PCCB: variants seen among roughly 807,000 people sequenced by gnomAD.
PCCB encodes propionyl-CoA carboxylase subunit beta, also known as propionyl-CoA carboxylase beta chain, mitochondrial.
In PCCB, 43 loss-of-function variants were observed where a neutral mutation model predicts 60.7. That is an observed-to-expected ratio of 0.71 (90% confidence interval 0.55 to 0.91). The LOEUF (loss-of-function observed/expected upper bound fraction) is 0.91, where lower values mean the gene tolerates loss of function less well. Among genes scored for constraint, PCCB ranks in the 40% least tolerant of loss-of-function variants. The pLI is 0.00. For missense variants in PCCB, 766 were observed against 702.8 expected, an observed-to-expected ratio of 1.09 and a Z score of -1.02; for synonymous variants, 276 against 255.9, an observed-to-expected ratio of 1.08 and a Z score of -0.75.
At chr3:136,298,094 C>T (rs1319809828) in intron 8 of PCCB, 22 bp downstream of exon 8, 3 of 1,613,922 alleles carry the variant, frequency 1.9e-6, no homozygotes, top group East Asian at 2.2e-5. Flanking sequence ...GCCGGTGCAC[C>T]TTCTCTCATT....
intron 5 of PCCB, 36 bp from the exon 6 acceptor site, chr3:136,283,801 C>T (rs764525342): frequency 2.9e-6 from 4 of 1,391,944 alleles, no homozygotes; most frequent in Admixed American, 1.7e-5. Flanking sequence ...TCAAACATCT[C>T]TGTAACCAGA....
intron 5 of PCCB, among the ~76,000 whole-genome samples, chr3:136,280,862 C>T (rs1430181806): frequency 2.6e-5 from 4 of 152,156 alleles, no homozygotes; most frequent in Non-Finnish European, 5.9e-5. Context: ...CTATATCGTC[C>T]AGGCTGGTCT....
intron 10 of PCCB, among the ~76,000 whole-genome samples, chr3:136,317,637 A>G (rs915029875): frequency 1.3e-5 from 2 of 152,178 alleles, no homozygotes; most frequent in Non-Finnish European, 2.9e-5. Flanking sequence ...TTTAGGGGTC[A>G]GTTTTCTGTT....
intron 5 of PCCB, among the ~76,000 whole-genome samples, chr3:136,270,215 C>G (rs1942157424): frequency 6.6e-6 from 1 of 152,138 alleles, no homozygotes; most frequent in African/African-American, 2.4e-5. Flanking sequence ...TGTGATAAAT[C>G]CTACTTGGTC....
chr3:136,277,233 T>C (rs1439307930), intron 5 of PCCB, among the ~76,000 whole-genome samples: 1 of 152,236 alleles, frequency 6.6e-6, no homozygotes, highest in Non-Finnish European at 1.5e-5. Flanking sequence ...ATGCAGGACC[T>C]CCTGGTTAGC....
At chr3:136,326,251 T>C (rs1935304276) in intron 10 of PCCB, 1 of 685,978 alleles carries the variant, frequency 1.5e-6, no homozygotes, top group African/African-American at 1.8e-5. Flanking sequence ...ACTGGTCTCA[T>C]AGAATTAAGT....
intron 6 of PCCB, among the ~76,000 whole-genome samples, chr3:136,292,227 G>A (rs1168707336): frequency 6.8e-6 from 1 of 146,964 alleles, no homozygotes; most frequent in Admixed American, 6.8e-5. Flanking sequence ...CTGAAATTTT[G>A]TGTCTCTAGT....
intron 5 of PCCB, among the ~76,000 whole-genome samples, chr3:136,282,448 T>G (rs1383221788): frequency 6.6e-6 from 1 of 152,194 alleles, no homozygotes; most frequent in Non-Finnish European, 1.5e-5. Context: ...TTCTAGTGTT[T>G]TTTAGCTGTA....
chr3:136,317,194 T>A (rs1007118040), intron 10 of PCCB, 130 bp downstream of exon 10: 1 of 780,204 alleles, frequency 1.3e-6, no homozygotes, highest in Non-Finnish European at 2.1e-6. Context: ...AAAATCTAAA[T>A]GGTTGTTATA....
At chr3:136,258,355 A>G (rs897192492) in intron 3 of PCCB, among the ~76,000 whole-genome samples, 1 of 152,214 alleles carries the variant, frequency 6.6e-6, no homozygotes, top group Non-Finnish European at 1.5e-5. Context: ...TACAGAGCAC[A>G]TGGAGTGAGA....
At chr3:136,315,832 A>G (rs903031283) in intron 9 of PCCB, among the ~76,000 whole-genome samples, 3 of 151,974 alleles carry the variant, frequency 2.0e-5, no homozygotes, top group Admixed American at 2.0e-4. Context: ...GTCTCAAAAA[A>G]AAAATAGTAT....
intron 10 of PCCB, among the ~76,000 whole-genome samples, chr3:136,321,262 ACAC>A: frequency 6.6e-6 from 1 of 152,342 alleles, no homozygotes; most frequent in South Asian, 2.1e-4. Context: ...GAATTCCTGT[ACAC>A]CTTCTGCTCC....
chr3:136,291,418 G>C (rs139243084), intron 6 of PCCB, among the ~76,000 whole-genome samples: 1 of 152,234 alleles, frequency 6.6e-6, no homozygotes, highest in African/African-American at 2.4e-5. Flanking sequence ...CTGATAGCTG[G>C]ACATGATACA....
At position 136,277,803 on chromosome 3, in the gene PCCB, T is replaced by C. The variant is rs537072918; in HGVS notation, c.544-6034T>C. On this transcript the variant is annotated intron_variant, in intron 5 of 14. Transcript: ENST00000251654. The stretch of plus-strand genomic sequence containing the variant: ...GCACTGGGCTAAGTTCCAGGCAGCC[T>C]AGGCTCAGAACTCAAACCTGCCCCA... Among the ~76,000 whole-genome samples the C allele has an allele frequency of 2.0e-5, 3 of 152,250 alleles. No homozygotes were observed. The South Asian group carries it at 6.2e-4, about 32-fold the overall frequency.
intron 3 of PCCB, among the ~76,000 whole-genome samples, chr3:136,259,008 A>G (rs988384013): frequency 1.3e-5 from 2 of 151,918 alleles, no homozygotes; most frequent in Admixed American, 6.6e-5. Context: ...CCTTGTTCTT[A>G]TTCTCACAGC....
rs182384702 is a variant in PCCB at position 136,267,446 on chromosome 3, A to C, written c.543+5381A>C. On this transcript the variant is annotated intron_variant, in intron 5 of 14. Coordinates refer to ENST00000251654, the MANE Select transcript of PCCB (RefSeq NM_000532.5). ...CTGGTCTCAAGCGATCTGCCTCGGCATCCCGAAGTGCAGGGATTACAAGCC... is the reference window on the plus strand; with the variant it reads ...CTGGTCTCAAGCGATCTGCCTCGGCCTCCCGAAGTGCAGGGATTACAAGCC... Among the ~76,000 whole-genome samples the C allele has an allele frequency of 1.4e-4, 21 of 152,238 alleles. No individual in the cohort carries two copies. In the East Asian group the frequency reaches 1.9e-3, roughly 14 times the overall value.
chr3:136,251,098 T>A (rs559328063), intron 1 of PCCB: 154 of 407,656 alleles, frequency 3.8e-4, no homozygotes, highest in Non-Finnish European at 4.0e-5. Context: ...TCGAGCTCTT[T>A]AGGGCCTTAG....
intron 6 of PCCB, among the ~76,000 whole-genome samples, chr3:136,292,073 T>C (rs1227682043): frequency 6.6e-6 from 1 of 152,146 alleles, no homozygotes; most frequent in African/African-American, 2.4e-5. Context: ...TGGTCTCCAG[T>C]TTTGGGGTGC....
intron 10 of PCCB, 133 bp downstream of exon 10, chr3:136,317,197 T>C: frequency 1.3e-6 from 1 of 757,966 alleles, no homozygotes; most frequent in Admixed American, 2.8e-5. Flanking sequence ...ATCTAAATGG[T>C]TGTTATAAAA....
Sources: allele counts gnomAD v4.1 joint callset (sites outside exome capture counted in the v4.1 genomes callset), GRCh38; gene constraint gnomAD v4.1.1; transcripts MANE v1.5; gene names NCBI Gene and HGNC (gene_info 2026-07-23, HGNC 2026-07-21).